Variants in MLLT3 observed in about 807,000 individuals in gnomAD.
The protein encoded by MLLT3 is protein AF-9.
Under a neutral mutation model 53.2 loss-of-function variants are expected in MLLT3, and 4 were observed. That is an observed-to-expected ratio of 0.08 (90% CI 0.04 to 0.17). MLLT3 has a LOEUF of 0.17. Among genes scored for constraint, MLLT3 ranks in the 10% least tolerant of loss-of-function variants. MLLT3 has a pLI of 1.00. For missense variants in MLLT3, 569 were observed against 684.0 expected (o/e 0.83, Z 1.87); for synonymous variants, 283 against 230.6 (o/e 1.23, Z -2.06).
chr9:20,482,350 CCT>C (rs1203524455), intron 2 of MLLT3, among the ~76,000 whole-genome samples: 2 of 152,168 alleles, frequency 1.3e-5, no homozygotes, highest in African/African-American at 4.8e-5. Context: ...GTTCTGCTTC[CCT>C]GTTCCCACCT....
At chr9:20,421,929 T>C (rs1823019112) in intron 4 of MLLT3, among the ~76,000 whole-genome samples, 1 of 152,180 alleles carries the variant, frequency 6.6e-6, no homozygotes, top group Admixed American at 6.5e-5. Context: ...TATGAGTTCA[T>C]ATTGTAAATG....
intron 2 of MLLT3, among the ~76,000 whole-genome samples, chr9:20,534,095 TAA>T (rs968181755): frequency 2.0e-5 from 3 of 152,026 alleles, no homozygotes; most frequent in African/African-American, 7.2e-5. Context: ...TTTAAGTAAA[TAA>T]AAGTCATCCT....
chr9:20,536,900 G>GCA (rs1818504461), intron 2 of MLLT3, among the ~76,000 whole-genome samples: 1 of 149,438 alleles, frequency 6.7e-6, no homozygotes, highest in African/African-American at 2.5e-5. Context: ...GAAAACATAA[G>GCA]CACTACATTT....
rs1222103277 is a variant in MLLT3 at position 20,346,305 on chromosome 9, A to AT, written c.*137dup. ...GAAAAATAAAGCTGAAGGTTGTTTG[A>AT]TTTTTATTTTTTCCCTTTTGGTTGC... is the stretch of plus-strand genomic sequence containing the variant. On this transcript the variant is annotated 3_prime_UTR_variant, in exon 11 of 11. Coordinates refer to ENST00000380338, the MANE Select transcript of MLLT3 (RefSeq NM_004529.4). 3 of 905,930 alleles carry AT rather than the reference A, an allele frequency of 3.3e-6. No individual in the cohort carries two copies. Among genetic ancestry groups the AT allele is most frequent in the Non-Finnish European group, 1.6e-6 (1 of 636,906 alleles). 56.1% of individuals were successfully genotyped at this position (905,930 alleles called of 1,614,324 possible).
At chr9:20,463,911 A>T (rs1467644374) in intron 2 of MLLT3, among the ~76,000 whole-genome samples, 1 of 152,134 alleles carries the variant, frequency 6.6e-6, no homozygotes, top group South Asian at 2.1e-4. Flanking sequence ...AACTGTTCCC[A>T]TATTTGGTGG....
intron 4 of MLLT3, among the ~76,000 whole-genome samples, chr9:20,443,691 T>TAA (rs947994144): frequency 6.6e-6 from 1 of 152,202 alleles, no homozygotes; most frequent in African/African-American, 2.4e-5. Context: ...ACCATACCTT[T>TAA]AAGTGTCTGA....
At chr9:20,573,595 T>C (rs1419768184) in intron 2 of MLLT3, among the ~76,000 whole-genome samples, 4 of 152,216 alleles carry the variant, frequency 2.6e-5, no homozygotes, top group Admixed American at 2.6e-4. Context: ...TTAAAGTAGA[T>C]GTTAAAAAGC....
chr9:20,564,487 G>GA (rs1475832077), intron 2 of MLLT3, among the ~76,000 whole-genome samples: 6 of 152,174 alleles, frequency 3.9e-5, no homozygotes, highest in South Asian at 2.1e-4. Flanking sequence ...CAAACTAAAA[G>GA]AAAAAATAGC....
At chr9:20,463,297 T>C (rs1824157945) in intron 2 of MLLT3, among the ~76,000 whole-genome samples, 1 of 151,938 alleles carries the variant, frequency 6.6e-6, no homozygotes, top group African/African-American at 2.4e-5. Context: ...GGAGGAGAAA[T>C]TTTCTTTAAC....
At chr9:20,486,688 C>T (rs937097824) in intron 2 of MLLT3, among the ~76,000 whole-genome samples, 48 of 152,114 alleles carry the variant, frequency 3.2e-4, no homozygotes, top group Admixed American at 3.1e-3. Context: ...ACAAATGTTT[C>T]CACTTATTCT....
intron 4 of MLLT3, among the ~76,000 whole-genome samples, chr9:20,446,850 A>T (rs1358479044): frequency 1.3e-5 from 2 of 152,176 alleles, no homozygotes; most frequent in Non-Finnish European, 2.9e-5. Context: ...AAATAAATAC[A>T]TTTCTTCATG....
chr9:20,376,973 C>G (rs1396949722), intron 5 of MLLT3, among the ~76,000 whole-genome samples: 1 of 152,208 alleles, frequency 6.6e-6, no homozygotes, highest in African/African-American at 2.4e-5. Flanking sequence ...AATTTCACAA[C>G]TGACCTTTAA....
intron 5 of MLLT3, among the ~76,000 whole-genome samples, chr9:20,385,641 A>T (rs10811348): frequency 6.6e-6 from 1 of 152,048 alleles, no homozygotes; most frequent in South Asian, 2.1e-4. Flanking sequence ...AAAATGTTAA[A>T]ATCTCAGCTG....
chr9:20,518,420 A>G (rs1563797769), intron 2 of MLLT3, among the ~76,000 whole-genome samples: 1 of 152,182 alleles, frequency 6.6e-6, no homozygotes, highest in Non-Finnish European at 1.5e-5. Flanking sequence ...AATGCAGAAG[A>G]AAATAAGAGA....
chr9:20,425,803 A>C (rs4246840), intron 4 of MLLT3, among the ~76,000 whole-genome samples: 34,883 of 151,858 alleles, frequency 0.23, 7,342 homozygotes, highest in East Asian at 0.68. Flanking sequence ...AACTATGAAG[A>C]GAAAAGAATA....
chr9:20,378,731 C>T (rs954552440), intron 5 of MLLT3, among the ~76,000 whole-genome samples: 1 of 151,854 alleles, frequency 6.6e-6, no homozygotes, highest in Non-Finnish European at 1.5e-5. Context: ...ATGTTAAGTC[C>T]TAATAAAAAG....
chr9:20,351,314 T>C (rs1023269343), intron 10 of MLLT3, among the ~76,000 whole-genome samples: 2 of 152,228 alleles, frequency 1.3e-5, no homozygotes, highest in Non-Finnish European at 2.9e-5. Flanking sequence ...CAGAGTTTTC[T>C]TCCCCCAGAC....
At chr9:20,451,532 T>C (rs1013147242) in intron 3 of MLLT3, among the ~76,000 whole-genome samples, 4 of 151,958 alleles carry the variant, frequency 2.6e-5, no homozygotes, top group Admixed American at 6.6e-5. Flanking sequence ...TTTTTAAAGA[T>C]TTTTTTTAAG....
intron 2 of MLLT3, among the ~76,000 whole-genome samples, chr9:20,612,910 C>G (rs1317445819): frequency 6.6e-6 from 1 of 152,138 alleles, no homozygotes; most frequent in Non-Finnish European, 1.5e-5. Flanking sequence ...GACACACGTG[C>G]CCACAACTCA....
Sources: gnomAD v4.1 joint callset for allele counts (sites outside exome capture counted in the v4.1 genomes callset) on GRCh38, gnomAD v4.1.1 for gene constraint, MANE v1.5 for transcripts, NCBI Gene and HGNC (gene_info 2026-07-23, HGNC 2026-07-21) for gene names.